C2CD3: variants seen among roughly 807,000 people sequenced by gnomAD.
The protein encoded by C2CD3 is C2 domain-containing protein 3.
C2CD3 carries 148 observed loss-of-function variants against 234.0 expected under a neutral mutation model. The ratio of observed to expected loss-of-function variants is 0.63; its 90% CI spans 0.55 to 0.72. The LOEUF is 0.72. C2CD3 is among the 30% of genes least tolerant of loss of function. The pLI is 0.00. For synonymous variants in C2CD3, 1,000 were observed against 1,035.4 expected, an observed-to-expected ratio of 0.97 and a Z score of 0.66; for missense variants, 2,577 against 2,811.5, an observed-to-expected ratio of 0.92 and a Z score of 1.89.
chr11:74,111,959 C>T (rs1215343397), intron 11 of C2CD3, among the ~76,000 whole-genome samples: 1 of 134,766 alleles, frequency 7.4e-6, no homozygotes, highest in African/African-American at 3.3e-5. Flanking sequence ...CACACACACA[C>T]ACACACACAC....
At chr11:74,051,457 A>G (rs1027797268) in intron 26 of C2CD3, among the ~76,000 whole-genome samples, 4 of 152,210 alleles carry the variant, frequency 2.6e-5, no homozygotes, top group African/African-American at 9.7e-5. Context: ...CGTCCTAAAC[A>G]TACTTGAGGA....
intron 24 of C2CD3, among the ~76,000 whole-genome samples, chr11:74,064,125 C>T (rs1446404736): frequency 2.6e-5 from 4 of 151,690 alleles, no homozygotes; most frequent in Non-Finnish European, 4.4e-5. Flanking sequence ...TCAATTCCCA[C>T]CTATAAGTGA....
chr11:74,111,329 T>G (rs2135506716), intron 11 of C2CD3, among the ~76,000 whole-genome samples: 1 of 152,236 alleles, frequency 6.6e-6, no homozygotes, highest in South Asian at 2.1e-4. Flanking sequence ...AATCCAAAAC[T>G]TTCTGAATGC....
At chr11:74,059,308 G>C (rs892116224) in intron 24 of C2CD3, among the ~76,000 whole-genome samples, 8 of 151,262 alleles carry the variant, frequency 5.3e-5, no homozygotes, top group Admixed American at 5.3e-4. Flanking sequence ...CTACTTGGGA[G>C]GCTGAGGCAG....
At chr11:74,108,617 T>A (rs1316669398) in intron 12 of C2CD3, among the ~76,000 whole-genome samples, 1 of 152,164 alleles carries the variant, frequency 6.6e-6, no homozygotes. Context: ...ATAGCTACCT[T>A]TCTTTAGAAG....
In C2CD3 at chr11:74,140,830, G is replaced by A. The variant is rs528249158; in HGVS notation, c.484-1002C>T. Among the ~76,000 whole-genome samples the A allele has an allele frequency of 2.0e-5, 3 of 152,222 alleles. No individual in the cohort carries two copies. The East Asian group carries it at 5.8e-4, about 29-fold the overall frequency. ...GCTGGAGATGAAGAGGGGTGAGGAG[G>A]GAGGACAACTAAGATGAAAAGGTAA... On this transcript the variant is annotated intron_variant, in intron 3 of 32. Coordinates refer to ENST00000334126, the MANE Select transcript of C2CD3 (RefSeq NM_001286577.2).
At chr11:74,135,273 T>TC (rs1402462653) in intron 5 of C2CD3, among the ~76,000 whole-genome samples, 2 of 151,712 alleles carry the variant, frequency 1.3e-5, no homozygotes, top group Non-Finnish European at 2.9e-5. Context: ...TTAAAACTTT[T>TC]TTTTTTTTTT....
chr11:74,042,284 G>C lies in C2CD3; in HGVS notation c.5496-66C>G, dbSNP rs61901182. 4,376 of 1,484,432 alleles carry C rather than the reference G, an allele frequency of 2.9e-3. 11 individuals carry two copies. Among genetic ancestry groups the C allele is most frequent in the Non-Finnish European group, 3.5e-3 (3,864 of 1,096,634 alleles). The allele number at this position is 1,484,432 out of a possible 1,614,324, so 92.0% of individuals were successfully genotyped here. On this transcript the variant is annotated intron_variant, in intron 28 of 32. Transcript: ENST00000334126. ...TTCCCAATCAATGAGAACACTGCTA[G>C]TGTGACAATAAACAAATCACTATCC...
chr11:74,046,121 A>G (rs1953361430), intron 28 of C2CD3, among the ~76,000 whole-genome samples: 1 of 152,094 alleles, frequency 6.6e-6, no homozygotes, highest in Non-Finnish European at 1.5e-5. Flanking sequence ...AAAGAATACA[A>G]TTTGATGAAT....
intron 24 of C2CD3, among the ~76,000 whole-genome samples, chr11:74,069,698 A>T (rs192379620): frequency 5.9e-5 from 9 of 152,238 alleles, no homozygotes; most frequent in Admixed American, 5.9e-4. Context: ...CGTACTTTAG[A>T]TTTTTTTCCA....
At chr11:74,094,975 T>G (rs1226504071) in intron 17 of C2CD3, among the ~76,000 whole-genome samples, 1 of 152,126 alleles carries the variant, frequency 6.6e-6, no homozygotes, top group African/African-American at 2.4e-5. Context: ...AAATAATTGG[T>G]AGAACTAGGT....
intron 8 of C2CD3, among the ~76,000 whole-genome samples, chr11:74,120,141 A>G (rs1476621155): frequency 6.7e-6 from 1 of 148,718 alleles, no homozygotes; most frequent in Non-Finnish European, 1.5e-5. Context: ...TTTTTTTTTA[A>G]TTATACTTTA....
At chr11:74,127,420 T>C (rs1311608639) in intron 7 of C2CD3, among the ~76,000 whole-genome samples, 2 of 152,200 alleles carry the variant, frequency 1.3e-5, no homozygotes, top group Non-Finnish European at 2.9e-5. Flanking sequence ...TCCAGATTTC[T>C]TAATCCATTC....
chr11:74,156,459 C>CCAA (rs1165250161), intron 3 of C2CD3, among the ~76,000 whole-genome samples: 1 of 40,932 alleles, frequency 2.4e-5, no homozygotes, highest in African/African-American at 7.9e-5. Context: ...GACCCTATCT[C>CCAA]AAAAAAAAAA....
intron 30 of C2CD3, among the ~76,000 whole-genome samples, chr11:74,035,859 C>CTT (rs11407087): frequency 3.4e-5 from 5 of 148,716 alleles, no homozygotes; most frequent in African/African-American, 1.2e-4. Flanking sequence ...AGCTTCAATT[C>CTT]TTTTTTTTTT....
intron 3 of C2CD3, among the ~76,000 whole-genome samples, chr11:74,157,897 G>A (rs1192817275): frequency 6.6e-6 from 1 of 152,106 alleles, no homozygotes; most frequent in African/African-American, 2.4e-5. Context: ...TCTTATCTCT[G>A]TATATCCCAA....
At position 74,078,603 on chromosome 11, in the gene C2CD3, C is replaced by A. The variant is rs188092863; in HGVS notation, c.4115G>T (p.Arg1372Leu). The change falls in exon 23 of 33, where the codon CGT (arginine) becomes CTT (leucine). Residue 1372 changes from arginine (R) to leucine (L), a missense_variant. Physicochemically the swap from Arg to Leu is moderately radical, Grantham distance 102. Coordinates refer to ENST00000334126, the MANE Select transcript of C2CD3 (RefSeq NM_001286577.2). ...TTCCAACACCCGTTCTCTATCTCCA[C>A]GATGCGTGAAGGAAATCGAAAGCTC... ...GLELSISFTHRGDRERVLEAA... is the reference protein window; with the variant it reads ...GLELSISFTHLGDRERVLEAA... 1 of 1,614,168 alleles carries A rather than the reference C, an allele frequency of 6.2e-7. No homozygotes were observed. Among genetic ancestry groups the A allele is most frequent in the Non-Finnish European group, 8.5e-7 (1 of 1,180,028 alleles).
intron 7 of C2CD3, among the ~76,000 whole-genome samples, chr11:74,123,715 T>C (rs1365682559): frequency 6.6e-6 from 1 of 151,706 alleles, no homozygotes. Context: ...CTCCTTTTTT[T>C]TTTGAAATCC....
chr11:74,084,980 C>A lies in C2CD3; in HGVS notation c.3911-10G>T. 6.4e-7 allele frequency: 1 copy of A among 1,572,106 alleles called. No individual in the cohort carries two copies. On this transcript the variant is annotated splice_polypyrimidine_tract_variant and intron_variant, in intron 21 of 32. Coordinates refer to ENST00000334126, the MANE Select transcript of C2CD3 (RefSeq NM_001286577.2). ...CTGATTATATCACTTGCTGTTAAAT[C>A]AAGCAAAAAAGAAAAATTATTTGAT... is the stretch of plus-strand genomic sequence containing the variant.
Sources: allele counts gnomAD v4.1 joint callset (sites outside exome capture counted in the v4.1 genomes callset), GRCh38; gene constraint gnomAD v4.1.1; transcripts MANE v1.5; gene names NCBI Gene and HGNC (gene_info 2026-07-23, HGNC 2026-07-21).